The following MAMDC4 variants were observed in gnomAD, a reference collection of about 807,000 sequenced individuals.
MAMDC4 encodes apical endosomal glycoprotein.
A neutral mutation model predicts 153.3 loss-of-function variants in MAMDC4; 168 were observed. The ratio of observed to expected loss-of-function variants is 1.10; its 90% CI spans 0.97 to 1.25. MAMDC4 has a LOEUF of 1.25. MAMDC4 is among the 50% of genes most tolerant of loss of function. The pLI is 0.00. For synonymous variants in MAMDC4, 744 were observed against 651.5 expected (o/e 1.14, Z -2.16); for missense variants, 1,701 against 1,542.8 (o/e 1.10, Z -1.72).
chr9:136,858,020 G>C lies in MAMDC4; in HGVS notation c.2506G>C (p.Val836Leu). The change falls in exon 20 of 27, where the codon GTG (valine) becomes CTG (leucine). Residue 836 changes from valine (V) to leucine (L), a missense_variant. Transcript: ENST00000317446. Reference sequence around the variant, plus strand: ...CCTGGAGGAGCGCGGGAGGCACCAGGTGCTCAGCCTCAGTGCCCACGGCGG... The same window carrying C: ...CCTGGAGGAGCGCGGGAGGCACCAGCTGCTCAGCCTCAGTGCCCACGGCGG... ...VYLEERGRHQ[V>L]LSLSAHGGLA... 1 of 1,526,464 alleles carries C rather than the reference G, an allele frequency of 6.6e-7. No homozygotes were observed. The highest frequency in any genetic ancestry group is 8.8e-7 in the Non-Finnish European group (1 of 1,139,990). 94.6% of individuals were successfully genotyped at this position (1,526,464 alleles called of 1,614,324 possible).
In MAMDC4 at chr9:136,858,516, C is replaced by T; in HGVS notation, c.2791C>T (p.Pro931Ser). The T allele has an allele frequency of 6.3e-7, 1 of 1,598,220 alleles. No homozygotes were observed. The highest frequency in any genetic ancestry group is 1.1e-5 in the South Asian group (1 of 89,266). The part of the protein sequence containing the change: ...GATPSRYPQP[P>S]VDHTLGTEAG... ...CACCCCCTCTCGTTACCCCCAGCCC[C>T]CTGTGGACCACACCCTGGGCACAGA... Residue 931 changes from proline (P) to serine (S), a missense_variant, in exon 22 of 27, where the codon CCT (proline) becomes TCT (serine). Coordinates refer to ENST00000317446, the MANE Select transcript of MAMDC4 (RefSeq NM_206920.3).
At position 136,853,783 on chromosome 9, in the gene MAMDC4, C is replaced by T. The variant is rs1294767647; in HGVS notation, c.461C>T (p.Ala154Val). 1.2e-6 allele frequency: 2 copies of T among 1,609,734 alleles called. No individual in the cohort carries two copies. The highest frequency in any genetic ancestry group is 1.7e-5 in the Admixed American group (1 of 59,612). ...GGGACCCCTGACATTGCAGATGTGG[C>T]TGAACTGCGGGTGGAGCTGACCCAT... ...LWYHAASGDVAELRVELTHGA... is the reference protein window; with the variant it reads ...LWYHAASGDVVELRVELTHGA... The change falls in exon 5 of 27, where the codon GCT becomes GTT. Residue 154 changes from alanine to valine, a missense_variant. Physicochemically the swap from Ala to Val is moderately conservative, Grantham distance 64. Coordinates refer to ENST00000317446, the MANE Select transcript of MAMDC4 (RefSeq NM_206920.3).
rs1460301010 is a variant in MAMDC4 at position 136,858,010 on chromosome 9, G to A, written c.2496G>A (p.Gly832=). Residue 832 remains glycine, a synonymous_variant, in exon 20 of 27, where the codon GGG becomes GGA. Coordinates refer to ENST00000317446, the MANE Select transcript of MAMDC4 (RefSeq NM_206920.3). ...GTLRVYLEER[G]RHQVLSLSAH... ...TGCGGGTCTACCTGGAGGAGCGCGG[G>A]AGGCACCAGGTGCTCAGCCTCAGTG... 6.6e-7 allele frequency: 1 copy of A among 1,525,086 alleles called. No individual in the cohort carries two copies. The highest frequency in any genetic ancestry group is 8.8e-7 in the Non-Finnish European group (1 of 1,139,832). The allele number at this position is 1,525,086 out of a possible 1,614,324, so 94.5% of individuals were successfully genotyped here.
In MAMDC4 at chr9:136,853,266, T is replaced by C; in HGVS notation, c.155-19T>C. 6.2e-7 allele frequency: 1 copy of C among 1,606,394 alleles called. No homozygotes were observed. Among genetic ancestry groups the C allele is most frequent in the South Asian group, 1.1e-5 (1 of 90,806 alleles). ...AGTGCGAGCAGGTCTGGCACACACC[T>C]GACCACCCACTCTCCCAGGTTACCA... On this transcript the variant is annotated intron_variant, in intron 2 of 26. Transcript: ENST00000317446.
At position 136,853,841 on chromosome 9, in the gene MAMDC4, A is replaced by AGGGCCCTG. The variant is rs761667340; in HGVS notation, c.529_536dup (p.Trp180AlafsTer9). Reference sequence around the variant, plus strand: ...AGACCCTGACCCTGTGGCAGAGCACAGGGCCCTGGGGCCCTGGCTGGCAGG... The same window carrying AGGGCCCTG: ...AGACCCTGACCCTGTGGCAGAGCACAGGGCCCTGGGGCCCTGGGGCCCTGGCTGGCAGG... On this transcript the variant is annotated frameshift_variant, in exon 5 of 27. Coordinates refer to ENST00000317446, the MANE Select transcript of MAMDC4 (RefSeq NM_206920.3). LOFTEE classifies it high-confidence loss of function. 5.8e-6 allele frequency: 9 copies of AGGGCCCTG among 1,560,862 alleles called. No homozygotes were observed. Among genetic ancestry groups the AGGGCCCTG allele is most frequent in the Admixed American group, 1.7e-5 (1 of 59,334 alleles).
At position 136,853,842 on chromosome 9, in the gene MAMDC4, G is replaced by A. The variant is rs533545675; in HGVS notation, c.520G>A (p.Gly174Arg). 1.3e-6 allele frequency: 2 copies of A among 1,560,902 alleles called. No homozygotes were observed. The highest frequency in any genetic ancestry group is 2.2e-5 in the South Asian group (2 of 90,540). Residue 174 changes from glycine to arginine, a missense_variant, in exon 5 of 27, where the codon GGG becomes AGG. Gly to Arg is a moderately radical substitution (Grantham distance 125, BLOSUM62 -2). Transcript: ENST00000317446. ...GACCCTGACCCTGTGGCAGAGCACAGGGCCCTGGGGCCCTGGCTGGCAGGA... is the reference window on the plus strand; with the variant it reads ...GACCCTGACCCTGTGGCAGAGCACAAGGCCCTGGGGCCCTGGCTGGCAGGA... ...AETLTLWQST[G>R]PWGPGWQELA... is the part of the protein sequence containing the mutation.
Position 136,853,558 on chromosome 9 carries a change from C to T in MAMDC4, c.342C>T (p.Ala114=), listed in dbSNP as rs1471685801. The T allele has an allele frequency of 3.7e-6, 6 of 1,612,542 alleles. No individual in the cohort carries two copies. The highest frequency in any genetic ancestry group is 2.7e-5 in the African/African-American group (2 of 74,926). Residue 114 remains alanine, a synonymous_variant, in exon 4 of 27, where the codon GCC becomes GCT. Coordinates refer to ENST00000317446, the MANE Select transcript of MAMDC4 (RefSeq NM_206920.3). ...CACCTGCGCCAGGCTGGTACATGGC[C>T]GTTGGAACCCACCGAGGGAAAGAGG... ...TLGTDLGWYM[A]VGTHRGKEAS...
Position 136,857,051 on chromosome 9 carries a change from C to G in MAMDC4, c.1972+10C>G, listed in dbSNP as rs1471041282. 1 of 1,608,896 alleles carries G rather than the reference C, an allele frequency of 6.2e-7. No individual in the cohort carries two copies. The highest frequency in any genetic ancestry group is 1.3e-5 in the African/African-American group (1 of 74,844). On this transcript the variant is annotated intron_variant, in intron 16 of 26. Coordinates refer to ENST00000317446, the MANE Select transcript of MAMDC4 (RefSeq NM_206920.3). ...CATGGGCCCCAGATTGGTGAGTGGA[C>G]CTGGAAACAGGGCAGAGCCTGTGGG... is the stretch of plus-strand genomic sequence containing the variant.
In MAMDC4 at chr9:136,853,133, C is replaced by A; in HGVS notation, c.78C>A (p.Asn26Lys). 5.0e-6 allele frequency: 8 copies of A among 1,612,748 alleles called. No individual in the cohort carries two copies. Among genetic ancestry groups the A allele is most frequent in the Non-Finnish European group, 6.8e-6 (8 of 1,179,932 alleles). Reference protein sequence around the residue: ...AGSSGWAWVPNHCRSPGQAVC... With the variant: ...AGSSGWAWVPKHCRSPGQAVC... The stretch of plus-strand genomic sequence containing the variant: ...CCTCAGGCTGGGCCTGGGTCCCCAA[C>A]CACTGCAGGAGCCCTGGCCAGGCCG... The change falls in exon 2 of 27, where the codon AAC becomes AAA. Residue 26 changes from asparagine to lysine, a missense_variant. Transcript: ENST00000317446.
rs779766309 is a variant in MAMDC4 at position 136,857,379 on chromosome 9, G to A, written c.2119G>A (p.Gly707Ser). Reference protein sequence around the residue: ...SHAQYQLLFEGLRDGYHGTMA... With the variant: ...SHAQYQLLFESLRDGYHGTMA... ...CCTCCACCCCCAGCTGCTGTTCGAG[G>A]GCCTCCGGGACGGATACCACGGCAC... Residue 707 changes from glycine to serine, a missense_variant, in exon 18 of 27, where the codon GGC (glycine) becomes AGC (serine). Coordinates refer to ENST00000317446, the MANE Select transcript of MAMDC4 (RefSeq NM_206920.3). 6.2e-7 allele frequency: 1 copy of A among 1,608,270 alleles called. No homozygotes were observed. The highest frequency in any genetic ancestry group is 8.5e-7 in the Non-Finnish European group (1 of 1,179,780).
chr9:136,859,772 G>C, intron 25 of MAMDC4, 114 bp from the exon 26 acceptor site: 1 of 1,110,942 alleles, frequency 9.0e-7, no homozygotes, highest in Non-Finnish European at 1.3e-6. Flanking sequence ...CTTTGAAATA[G>C]GGGTGAACCC....
At chr9:136,855,217 A>T (rs1292334797) in intron 10 of MAMDC4, 37 bp from the exon 11 acceptor site, 1 of 1,577,508 alleles carries the variant, frequency 6.3e-7, no homozygotes. Context: ...CCCAGGGGGA[A>T]ATAGGCTGGG....
rs1336231217 is a variant in MAMDC4, at chr9:136,860,551, C to T, written c.3373-11C>T. ...AAGAAAGAAAAAAAAAGCTCCTCTT[C>T]CTCCTCCTAGGATGGTGTCACCCTC... On this transcript the variant is annotated splice_polypyrimidine_tract_variant and intron_variant, in intron 26 of 26. Coordinates refer to ENST00000317446, the MANE Select transcript of MAMDC4 (RefSeq NM_206920.3). 3.1e-6 allele frequency: 5 copies of T among 1,611,120 alleles called. No homozygotes were observed. The South Asian group carries it at 3.3e-5, about 11-fold the overall frequency.
chr9:136,857,396 C>T lies in MAMDC4; in HGVS notation c.2136C>T (p.Tyr712=). The T allele has an allele frequency of 6.2e-7, 1 of 1,608,152 alleles. No individual in the cohort carries two copies. Among genetic ancestry groups the T allele is most frequent in the Non-Finnish European group, 8.5e-7 (1 of 1,179,894 alleles). The change falls in exon 18 of 27, where the codon TAC becomes TAT. Residue 712 remains tyrosine (Y), a synonymous_variant. Transcript: ENST00000317446. ...QLLFEGLRDG[Y]HGTMALDDVA... ...TGTTCGAGGGCCTCCGGGACGGATA[C>T]CACGGCACCATGGCGCTGGACGATG...
rs534605279 is a variant in MAMDC4, at chr9:136,857,896, G to A, written c.2465-83G>A. ...GGCCACTGGGGAGCCTCTTGCGCCC[G>A]CCAGGCTGGGAGCCTGGGAGCTCAG... On this transcript the variant is annotated intron_variant, in intron 19 of 26. Coordinates refer to ENST00000317446, the MANE Select transcript of MAMDC4 (RefSeq NM_206920.3). The A allele has an allele frequency of 1.1e-4, 157 of 1,483,182 alleles. 2 individuals carry two copies. In the Middle Eastern group the frequency reaches 1.1e-3, roughly 10 times the overall value. 91.9% of individuals were successfully genotyped at this position (1,483,182 alleles called of 1,614,324 possible). A position where few individuals can be genotyped will look rare whatever the true frequency, so the allele number is the denominator to read the frequency against.
In MAMDC4 at chr9:136,853,992, G is replaced by A. The variant is rs572349508; in HGVS notation, c.586G>A (p.Val196Met). ...TTGRIRGDFR[V>M]TFSATRNATH... The stretch of plus-strand genomic sequence containing the variant: ...GGTCCTAAGAGCCTGTTCTCTTCAG[G>A]TGACCTTCTCTGCCACCCGAAATGC... The change falls in exon 6 of 27, where the codon GTG becomes ATG. Residue 196 changes from valine to methionine, a missense_variant and splice_region_variant. By Grantham distance (21) the Val-to-Met change is conservative. Coordinates refer to ENST00000317446, the MANE Select transcript of MAMDC4 (RefSeq NM_206920.3). 10 of 1,612,932 alleles carry A rather than the reference G, an allele frequency of 6.2e-6. No individual in the cohort carries two copies. In the South Asian group the frequency reaches 6.6e-5, roughly 11 times the overall value.
Position 136,857,373 on chromosome 9 carries a change from T to C in MAMDC4, c.2113T>C (p.Phe705Leu). ...TGACACCCTCCACCCCCAGCTGCTG[T>C]TCGAGGGCCTCCGGGACGGATACCA... ...PGSHAQYQLLFEGLRDGYHGT... is the reference protein window; with the variant it reads ...PGSHAQYQLLLEGLRDGYHGT... Residue 705 changes from phenylalanine to leucine, a missense_variant, in exon 18 of 27, where the codon TTC becomes CTC. Transcript: ENST00000317446. The C allele has an allele frequency of 6.2e-7, 1 of 1,608,248 alleles. No individual in the cohort carries two copies.
rs749787998 is a variant in MAMDC4, at chr9:136,857,060, A to G, written c.1972+19A>G. 1.9e-6 allele frequency: 3 copies of G among 1,607,086 alleles called. No homozygotes were observed. The highest frequency in any genetic ancestry group is 2.6e-6 in the Non-Finnish European group (3 of 1,176,240). On this transcript the variant is annotated intron_variant, in intron 16 of 26. Coordinates refer to ENST00000317446, the MANE Select transcript of MAMDC4 (RefSeq NM_206920.3). ...CAGATTGGTGAGTGGACCTGGAAAC[A>G]GGGCAGAGCCTGTGGGGAGGCCCCC...
In MAMDC4 at chr9:136,853,999, T is replaced by C. The variant is rs747260178; in HGVS notation, c.593T>C (p.Phe198Ser). The C allele has an allele frequency of 6.8e-6, 11 of 1,612,660 alleles. No individual in the cohort carries two copies. The African/African-American group carries it at 1.1e-4, about 16-fold the overall frequency. The change falls in exon 6 of 27, where the codon TTC becomes TCC. Residue 198 changes from phenylalanine (F) to serine (S), a missense_variant. Coordinates refer to ENST00000317446, the MANE Select transcript of MAMDC4 (RefSeq NM_206920.3). The stretch of plus-strand genomic sequence containing the variant: ...AGAGCCTGTTCTCTTCAGGTGACCT[T>C]CTCTGCCACCCGAAATGCCACCCAC... ...GRIRGDFRVT[F>S]SATRNATHRG... is the part of the protein sequence containing the mutation.
Sources: gnomAD v4.1 joint callset for allele counts on GRCh38, gnomAD v4.1.1 for gene constraint, MANE v1.5 for transcripts, NCBI Gene and HGNC (gene_info 2026-07-23, HGNC 2026-07-21) for gene names.